XRN1: variants seen among roughly 807,000 people sequenced by gnomAD.
XRN1 encodes the protein strand-exchange protein 1 homolog.
XRN1 carries 67 observed loss-of-function variants against 222.3 expected under a neutral mutation model. The ratio of observed to expected loss-of-function variants is 0.30; its 90% CI spans 0.25 to 0.37. The LOEUF (loss-of-function observed/expected upper bound fraction) is 0.37, where lower values mean the gene tolerates loss of function less well. Among genes scored for constraint, XRN1 ranks in the 10% least tolerant of loss-of-function variants. The pLI is 1.00. For missense variants in XRN1, 1,707 were observed against 2,000.2 expected, an observed-to-expected ratio of 0.85 and a Z score of 2.80; for synonymous variants, 643 against 652.4, an observed-to-expected ratio of 0.99 and a Z score of 0.22.
chr3:142,345,503 G>A (rs1274126311), intron 33 of XRN1, among the ~76,000 whole-genome samples: 1 of 152,134 alleles, frequency 6.6e-6, no homozygotes, highest in Non-Finnish European at 1.5e-5. Flanking sequence ...TTTCTTAGAT[G>A]TACACCTAAG....
intron 20 of XRN1, among the ~76,000 whole-genome samples, chr3:142,384,898 A>G (rs1355672752): frequency 2.0e-5 from 3 of 152,192 alleles, no homozygotes; most frequent in Non-Finnish European, 2.9e-5. Flanking sequence ...CTGTGATTAA[A>G]TAAGAACTCA....
At chr3:142,335,561 T>C in intron 33 of XRN1, 52 bp from the exon 34 acceptor site, 1 of 1,451,756 alleles carries the variant, frequency 6.9e-7, no homozygotes. Context: ...TACTGCACAA[T>C]TAAAACTACC....
At chr3:142,408,107 T>C (rs1366330340) in intron 15 of XRN1, among the ~76,000 whole-genome samples, 2 of 152,270 alleles carry the variant, frequency 1.3e-5, no homozygotes, top group African/African-American at 4.8e-5. Context: ...CTCCAACAAC[T>C]TGACTTTCTA....
At chr3:142,312,188 G>C (rs188830776) in intron 40 of XRN1, among the ~76,000 whole-genome samples, 5 of 152,122 alleles carry the variant, frequency 3.3e-5, no homozygotes, top group Non-Finnish European at 5.9e-5. Flanking sequence ...AAGATGGGAG[G>C]ATCACTTGAG....
intron 20 of XRN1, among the ~76,000 whole-genome samples, chr3:142,385,707 TTTC>T (rs1327190227): frequency 6.6e-6 from 1 of 152,146 alleles, no homozygotes; most frequent in Non-Finnish European, 1.5e-5. Flanking sequence ...TAAGGAATAC[TTTC>T]TTATCTCCTT....
At position 142,425,192 on chromosome 3, in the gene XRN1, TAA is replaced by T. The variant is rs772287940; in HGVS notation, c.627+28_627+29del. 4.8e-6 allele frequency: 7 copies of T among 1,447,528 alleles called. No homozygotes were observed. In the East Asian group the frequency reaches 1.7e-4, roughly 35 times the overall value. 89.7% of individuals were successfully genotyped at this position (1,447,528 alleles called of 1,614,324 possible). ...TCTTAGATATTTAACTATCAATGCATAAGTTTATAATAATAAAAATTATACCT... is the reference window on the plus strand; with the variant it reads ...TCTTAGATATTTAACTATCAATGCATGTTTATAATAATAAAAATTATACCT... On this transcript the variant is annotated intron_variant, in intron 5 of 40. Transcript: ENST00000392981.
intron 34 of XRN1, 81 bp from the exon 35 acceptor site, chr3:142,333,170 T>C (rs2065752094): frequency 6.9e-7 from 1 of 1,448,926 alleles, no homozygotes; most frequent in African/African-American, 1.5e-5. Context: ...TGTACAAAAA[T>C]GGTCATTCGA....
intron 15 of XRN1, among the ~76,000 whole-genome samples, chr3:142,411,346 T>C (rs2068571151): frequency 6.6e-6 from 1 of 152,214 alleles, no homozygotes; most frequent in Non-Finnish European, 1.5e-5. Flanking sequence ...TCTGTAGATT[T>C]CTGCTTCTTT....
At chr3:142,346,097 C>G (rs2066136186) in intron 33 of XRN1, among the ~76,000 whole-genome samples, 3 of 152,212 alleles carry the variant, frequency 2.0e-5, no homozygotes, top group Admixed American at 2.0e-4. Flanking sequence ...TTCATAGCAG[C>G]ATTATTCACT....
At chr3:142,347,103 C>CA (rs1175955778) in intron 33 of XRN1, 131 bp downstream of exon 33, 5 of 687,582 alleles carry the variant, frequency 7.3e-6, no homozygotes, top group South Asian at 2.1e-5. Context: ...TGTGAAAATA[C>CA]AAAAAACCAC....
rs1163860337 is a variant in XRN1, at chr3:142,432,812, A to C, written c.157T>G (p.Phe53Val). 4 of 1,614,036 alleles carry C rather than the reference A, an allele frequency of 2.5e-6. No homozygotes were observed. Among genetic ancestry groups the C allele is most frequent in the Non-Finnish European group, 3.4e-6 (4 of 1,180,012 alleles). Reference protein sequence around the residue: ...CSHPNDDDVHFRISDDKIFTD... With the variant: ...CSHPNDDDVHVRISDDKIFTD... ...AAGATTTTATCATCTGAAATTCTAA[A>C]GTGAACATCATCATCATTAGGATGG... Residue 53 changes from phenylalanine to valine, a missense_variant, in exon 2 of 41, where the codon TTT becomes GTT. Transcript: ENST00000392981.
At position 142,370,511 on chromosome 3, in the gene XRN1, T is replaced by C; in HGVS notation, c.3178A>G (p.Ile1060Val). Residue 1060 changes from isoleucine to valine, a missense_variant, in exon 27 of 41, where the codon ATT becomes GTT. Around this residue, in one of 2 missense-constraint regions of XRN1, gnomAD observed 1,234 missense variants for 1,518.2 expected, o/e 0.81. Coordinates refer to ENST00000392981, the MANE Select transcript of XRN1 (RefSeq NM_001282857.2). ...TTGCACTTTTCGACTTCTTCCTCAATTTTCTCAACAATAGCTGCATCCAGA... is the reference window on the plus strand; with the variant it reads ...TTGCACTTTTCGACTTCTTCCTCAACTTTCTCAACAATAGCTGCATCCAGA... ...QILDAAIVEK[I>V]EEEVEKCKQR... 1 of 1,605,584 alleles carries C rather than the reference T, an allele frequency of 6.2e-7. No individual in the cohort carries two copies. Among genetic ancestry groups the C allele is most frequent in the East Asian group, 2.3e-5 (1 of 44,262 alleles).
rs558846275 is a variant in XRN1, at chr3:142,351,153, G to GTATC, written c.3769-3815_3769-3812dup. 5.8e-3 allele frequency among the ~76,000 whole-genome samples: 886 copies of GTATC among 151,766 alleles called. 9 individuals carry two copies. The highest frequency in any genetic ancestry group is 0.019 in the African/African-American group (801 of 41,386). On this transcript the variant is annotated intron_variant, in intron 32 of 40. Coordinates refer to ENST00000392981, the MANE Select transcript of XRN1 (RefSeq NM_001282857.2). ...TCTATGTATCTATCTATGTATCTAT[G>GTATC]TATCTATCTATCTATCTATCTATGG... is the stretch of plus-strand genomic sequence containing the variant.
chr3:142,404,525 TG>T (rs1559854430), intron 16 of XRN1, among the ~76,000 whole-genome samples: 1 of 152,092 alleles, frequency 6.6e-6, no homozygotes, highest in African/African-American at 2.4e-5. Context: ...GTTGGGTGGC[TG>T]GGGGGTATAA....
chr3:142,377,871 A>G (rs2067189305), intron 23 of XRN1, among the ~76,000 whole-genome samples: 1 of 152,188 alleles, frequency 6.6e-6, no homozygotes, highest in African/African-American at 2.4e-5. Context: ...TTCCCAGTAC[A>G]AAGCTCCAGC....
At chr3:142,358,716 T>C (rs909556141) in intron 30 of XRN1, among the ~76,000 whole-genome samples, 2 of 152,190 alleles carry the variant, frequency 1.3e-5, no homozygotes, top group Non-Finnish European at 1.5e-5. Context: ...CGGATTCTGC[T>C]GCTGTATGTG....
intron 20 of XRN1, among the ~76,000 whole-genome samples, chr3:142,392,530 T>C (rs1311417608): frequency 6.6e-6 from 1 of 152,118 alleles, no homozygotes; most frequent in Non-Finnish European, 1.5e-5. Context: ...TGTGTCCATG[T>C]GATCTCATTG....
intron 1 of XRN1, chr3:142,436,075 A>C (rs1344194077): frequency 3.3e-5 from 5 of 151,518 alleles, no homozygotes; most frequent in Admixed American, 2.6e-4. Context: ...AAAAAAAAAA[A>C]AAAAAAATTT....
chr3:142,415,958 C>T (rs2068768880), intron 13 of XRN1, among the ~76,000 whole-genome samples: 1 of 151,878 alleles, frequency 6.6e-6, no homozygotes, highest in Admixed American at 6.6e-5. Flanking sequence ...TACTATTCTC[C>T]ATAAAAGCAA....
Sources: gnomAD v4.1 joint callset for allele counts (sites outside exome capture counted in the v4.1 genomes callset) on GRCh38, gnomAD v4.1.1 for gene constraint, gnomAD v4.1.1 regional missense constraint, MANE v1.5 for transcripts, NCBI Gene and HGNC (gene_info 2026-07-23, HGNC 2026-07-21) for gene names.